PIWIL2: variants seen among roughly 807,000 people sequenced by gnomAD.
The protein encoded by PIWIL2 is piwi like RNA-mediated gene silencing 2, also known as piwi-like protein 2.
A neutral mutation model predicts 116.5 loss-of-function variants in PIWIL2; 81 were observed. The ratio of observed to expected loss-of-function variants is 0.70; its 90% confidence interval spans 0.58 to 0.84. PIWIL2 has a LOEUF of 0.84. Ranked by LOEUF, PIWIL2 falls within the 40% of genes least tolerant of loss-of-function variation. PIWIL2 has a pLI of 0.00. For missense variants in PIWIL2, 1,272 were observed against 1,212.3 expected (o/e 1.05, Z -0.73); for synonymous variants, 489 against 429.5 (o/e 1.14, Z -1.71).
chr8:22,343,565 T>C (rs1832158489), intron 20 of PIWIL2, among the ~76,000 whole-genome samples: 1 of 152,250 alleles, frequency 6.6e-6, no homozygotes, highest in Non-Finnish European at 1.5e-5. Context: ...ACCACTGCAC[T>C]TCAGCCTGGG....
chr8:22,352,235 G>A (rs753320875), intron 20 of PIWIL2, among the ~76,000 whole-genome samples: 12 of 152,240 alleles, frequency 7.9e-5, no homozygotes, highest in Non-Finnish European at 1.0e-4. Flanking sequence ...GTGAGCCACC[G>A]TGCCTGGCCC....
intron 10 of PIWIL2, among the ~76,000 whole-genome samples, chr8:22,298,761 G>C (rs1265186231): frequency 6.6e-6 from 1 of 152,222 alleles, no homozygotes; most frequent in Non-Finnish European, 1.5e-5. Context: ...TAGAATATTT[G>C]AGAAGAGTAT....
intron 15 of PIWIL2, among the ~76,000 whole-genome samples, 158 bp downstream of exon 15, chr8:22,310,232 G>GT (rs1407641789): frequency 3.3e-5 from 5 of 152,202 alleles, no homozygotes; most frequent in Non-Finnish European, 1.5e-5. Flanking sequence ...AAACAGAGCA[G>GT]TTGATGAGTT....
Position 22,308,049 on chromosome 8 carries a change from C to T in PIWIL2, c.1662C>T (p.Leu554=). The T allele has an allele frequency of 6.2e-7, 1 of 1,613,868 alleles. No individual in the cohort carries two copies. Reference sequence around the variant, plus strand: ...CCAATGAACTGATGCGTTGGGGGCTCCGTCTGCAAAAGGATGTACATAAGG... The same window carrying T: ...CCAATGAACTGATGCGTTGGGGGCTTCGTCTGCAAAAGGATGTACATAAGG... ...AATNELMRWG[L]RLQKDVHKIE... Residue 554 remains leucine, a synonymous_variant, in exon 14 of 23, where the codon CTC becomes CTT. Transcript: ENST00000356766.
intron 2 of PIWIL2, 74 bp from the exon 3 acceptor site, chr8:22,281,046 A>G: frequency 2.4e-6 from 2 of 830,988 alleles, no homozygotes; most frequent in African/African-American, 1.7e-5. Context: ...TTTATTATAT[A>G]CCAAGACTAA....
intron 22 of PIWIL2, 68 bp from the exon 23 acceptor site, chr8:22,355,281 T>A (rs1322890185): frequency 1.8e-5 from 27 of 1,494,576 alleles, no homozygotes; most frequent in Non-Finnish European, 2.4e-5. Context: ...GTGACTATTG[T>A]ATTGTATTGC....
Position 22,304,043 on chromosome 8 carries a change from A to G in PIWIL2, c.1204A>G (p.Lys402Glu). 1 of 1,612,864 alleles carries G rather than the reference A, an allele frequency of 6.2e-7. No individual in the cohort carries two copies. The highest frequency in any genetic ancestry group is 8.5e-7 in the Non-Finnish European group (1 of 1,179,238). ...AAGGCATGCCATTTATCAGCAGAAT[A>G]AAGAACACTTCCAGGATGAGTGTAC... ...DVMHAIYQQN[K>E]EHFQDECTKL... Residue 402 changes from lysine to glutamate, a missense_variant, in exon 11 of 23, where the codon AAA (lysine) becomes GAA (glutamate). Lys to Glu is a moderately conservative substitution (Grantham distance 56). Transcript: ENST00000356766.
intron 1 of PIWIL2, chr8:22,275,917 G>T: frequency 6.6e-6 from 1 of 152,442 alleles, no homozygotes. Context: ...CTGGGAGAGG[G>T]CCCTCTGGGG....
rs1334580956 is a variant in PIWIL2, at chr8:22,289,810, C to G, written c.987-37C>G. On this transcript the variant is annotated intron_variant, in intron 8 of 22. Coordinates refer to ENST00000356766, the MANE Select transcript of PIWIL2 (RefSeq NM_018068.5). ...AATAATGGAACATAATTTTATTACT[C>G]TTCTATTAGAAAACTCATACTTGCT... The G allele has an allele frequency of 5.8e-6, 7 of 1,216,102 alleles. No individual in the cohort carries two copies. The African/African-American group carries it at 8.9e-5, about 15-fold the overall frequency. 75.3% of individuals were successfully genotyped at this position (1,216,102 alleles called of 1,614,324 possible).
At chr8:22,332,390 G>A (rs1031108358) in intron 20 of PIWIL2, among the ~76,000 whole-genome samples, 3 of 152,020 alleles carry the variant, frequency 2.0e-5, no homozygotes, top group African/African-American at 7.3e-5. Flanking sequence ...ATAAGAAGTG[G>A]CTCAGAAGGA....
chr8:22,297,330 C>T (rs1410501741), intron 10 of PIWIL2, among the ~76,000 whole-genome samples: 1 of 152,106 alleles, frequency 6.6e-6, no homozygotes, highest in Non-Finnish European at 1.5e-5. Context: ...GTTGCCAAGG[C>T]TGACCTCGAA....
chr8:22,353,286 G>A, intron 21 of PIWIL2, 74 bp downstream of exon 21: 1 of 1,339,574 alleles, frequency 7.5e-7, no homozygotes, highest in Non-Finnish European at 1.0e-6. Context: ...GTATTGGAAT[G>A]GGGAGGTTTC....
In PIWIL2 at chr8:22,332,627, A is replaced by G. The variant is rs1279362402; in HGVS notation, c.2403+14352A>G. Among the ~76,000 whole-genome samples the G allele has an allele frequency of 3.3e-5, 5 of 152,140 alleles. No homozygotes were observed. The East Asian group carries it at 9.6e-4, about 29-fold the overall frequency. ...AAAGAGGTTCCTTCAAAGGATCAATATGGACTAATAGCTAACATCAAAATA... is the reference window on the plus strand; with the variant it reads ...AAAGAGGTTCCTTCAAAGGATCAATGTGGACTAATAGCTAACATCAAAATA... On this transcript the variant is annotated intron_variant, in intron 20 of 22. Transcript: ENST00000356766.
chr8:22,316,443 C>T, intron 19 of PIWIL2, 110 bp downstream of exon 19: 8 of 713,158 alleles, frequency 1.1e-5, no homozygotes, highest in South Asian at 3.5e-5. Context: ...ATAAAGATTT[C>T]TAAACATTTT....
intron 20 of PIWIL2, among the ~76,000 whole-genome samples, chr8:22,339,379 G>A (rs1832054537): frequency 1.3e-5 from 2 of 151,970 alleles, no homozygotes; most frequent in East Asian, 1.9e-4. Context: ...GTGGTGGCCC[G>A]CGCCTGTAAT....
chr8:22,326,080 C>T (rs916619111), intron 20 of PIWIL2, among the ~76,000 whole-genome samples: 2 of 152,140 alleles, frequency 1.3e-5, no homozygotes, highest in African/African-American at 4.8e-5. Flanking sequence ...TCTCCAGTGT[C>T]TACTCATTTC....
chr8:22,351,436 C>CATATATATAGATAT (rs1306694253), intron 20 of PIWIL2, among the ~76,000 whole-genome samples: 1 of 46,270 alleles, frequency 2.2e-5, no homozygotes, highest in Non-Finnish European at 4.5e-5. Context: ...ACAGTGCATA[C>CATATATATAGATAT]ATACATATAT....
chr8:22,339,243 C>A (rs970857313), intron 20 of PIWIL2, among the ~76,000 whole-genome samples: 2 of 152,172 alleles, frequency 1.3e-5, no homozygotes, highest in African/African-American at 4.8e-5. Context: ...TGTGGTGGCT[C>A]ATGCCTGTAA....
chr8:22,278,132 C>T (rs1347992427), intron 1 of PIWIL2, among the ~76,000 whole-genome samples: 1 of 151,824 alleles, frequency 6.6e-6, no homozygotes, highest in East Asian at 1.9e-4. Context: ...TGCACCATTG[C>T]ACTCCAGCCT....
Sources: gnomAD v4.1 joint callset for allele counts (sites outside exome capture counted in the v4.1 genomes callset) on GRCh38, gnomAD v4.1.1 for gene constraint, MANE v1.5 for transcripts, NCBI Gene and HGNC (gene_info 2026-07-23, HGNC 2026-07-21) for gene names.